SLC38A1: variants seen among roughly 807,000 people sequenced by gnomAD.
The protein encoded by SLC38A1 is solute carrier family 38 member 1.
A neutral mutation model predicts 60.3 loss-of-function variants in SLC38A1; 18 were observed. The ratio of observed to expected loss-of-function variants is 0.30; its 90% CI spans 0.21 to 0.44. The LOEUF is 0.44. SLC38A1 is among the 20% of genes least tolerant of loss of function. SLC38A1 has a pLI of 1.00. For synonymous variants in SLC38A1, 196 were observed against 212.1 expected, an observed-to-expected ratio of 0.92 and a Z score of 0.66; for missense variants, 448 against 587.2, an observed-to-expected ratio of 0.76 and a Z score of 2.45.
intron 1 of SLC38A1, among the ~76,000 whole-genome samples, chr12:46,249,155 C>CAAAAAA (rs59948188): frequency 2.1e-5 from 1 of 46,518 alleles, no homozygotes; most frequent in East Asian, 4.5e-4. Flanking sequence ...GACTCCGCCT[C>CAAAAAA]AAAAAAAAAA....
chr12:46,215,012 T>C (rs1419906616), intron 5 of SLC38A1, among the ~76,000 whole-genome samples: 1 of 152,198 alleles, frequency 6.6e-6, no homozygotes, highest in Non-Finnish European at 1.5e-5. Flanking sequence ...AACTTTAACG[T>C]GTGTGCAAAT....
Position 46,207,634 on chromosome 12 carries a change from C to T in SLC38A1, c.389-13G>A. ...TACACCATGCAGCCTATTTAAAAAT[C>T]AAATTTGAGAACACAAGAAATGACA... is the stretch of plus-strand genomic sequence containing the variant. On this transcript the variant is annotated splice_polypyrimidine_tract_variant and intron_variant, in intron 6 of 16. Transcript: ENST00000398637. 1.9e-6 allele frequency: 3 copies of T among 1,610,556 alleles called. No individual in the cohort carries two copies. Among genetic ancestry groups the T allele is most frequent in the Non-Finnish European group, 2.5e-6 (3 of 1,176,828 alleles).
intron 5 of SLC38A1, among the ~76,000 whole-genome samples, chr12:46,214,975 T>C (rs1940340788): frequency 6.6e-6 from 1 of 152,204 alleles, no homozygotes. Flanking sequence ...TGACTCTCCC[T>C]TGCAAAGTTG....
intron 3 of SLC38A1, among the ~76,000 whole-genome samples, chr12:46,233,270 A>G (rs1338981432): frequency 2.6e-5 from 4 of 152,186 alleles, no homozygotes; most frequent in Middle Eastern, 3.4e-3. Context: ...TGATTCTTCC[A>G]AACTCGCCTT....
rs776295897 is a variant in SLC38A1, at chr12:46,198,693, G to A, written c.1054C>T (p.Leu352Phe). Residue 352 changes from leucine to phenylalanine, a missense_variant, in exon 14 of 17, where the codon CTC becomes TTC. Around this residue, in one of 2 missense-constraint regions of SLC38A1, gnomAD observed 346 missense variants for 497.5 expected, o/e 0.70. Transcript: ENST00000398637. ...LHKYQSKDDI[L>F]ILTVRLAVIV... ...ACAGCCAGCCGCACTGTCAGGATGA[G>A]AATGTCATCTTTACTCTGATATTTG... 1.2e-6 allele frequency: 2 copies of A among 1,613,622 alleles called. No homozygotes were observed. The highest frequency in any genetic ancestry group is 1.7e-6 in the Non-Finnish European group (2 of 1,179,784).
At chr12:46,220,858 C>T (rs10880939) in intron 5 of SLC38A1, among the ~76,000 whole-genome samples, 98,498 of 152,028 alleles carry the variant, frequency 0.65, 33,363 homozygotes, top group Non-Finnish European at 0.75. Context: ...ATAATTCTCC[C>T]GATAGAATGA....
rs918328153 is a variant in SLC38A1 at position 46,186,547 on chromosome 12, A to G, written c.*2423T>C. The G allele has an allele frequency of 6.6e-6, 1 of 152,234 alleles. No homozygotes were observed. The highest frequency in any genetic ancestry group is 1.5e-5 in the Non-Finnish European group (1 of 68,042). 9.4% of individuals were successfully genotyped at this position (152,234 alleles called of 1,614,324 possible). A position where few individuals can be genotyped will look rare whatever the true frequency, so the allele number is the denominator to read the frequency against. ...ATAAGAGCAGTATACTTTACAGCTA[A>G]TCTCACACAAAGGATGTAACTAATC... On this transcript the variant is annotated 3_prime_UTR_variant, in exon 17 of 17. Coordinates refer to ENST00000398637, the MANE Select transcript of SLC38A1 (RefSeq NM_030674.4).
At position 46,251,630 on chromosome 12, in the gene SLC38A1, A is replaced by G. The variant is rs533020378; in HGVS notation, c.-208-8316T>C. On this transcript the variant is annotated intron_variant, in intron 1 of 16. Coordinates refer to ENST00000398637, the MANE Select transcript of SLC38A1 (RefSeq NM_030674.4). ...TCCAGAATCTACAAAGAACTTAAAT[A>G]AATTTTCAAGAAAAAAACAAACAAC... Among the ~76,000 whole-genome samples the G allele has an allele frequency of 2.6e-5, 4 of 152,332 alleles. No homozygotes were observed. In the South Asian group the frequency reaches 8.3e-4, roughly 32 times the overall value.
intron 1 of SLC38A1, among the ~76,000 whole-genome samples, chr12:46,262,843 T>C (rs1360151539): frequency 6.6e-6 from 1 of 152,222 alleles, no homozygotes; most frequent in African/African-American, 2.4e-5. Flanking sequence ...TACCAGATGA[T>C]GGTTACAGTC....
chr12:46,258,536 C>T (rs1410128369), intron 1 of SLC38A1, among the ~76,000 whole-genome samples: 1 of 152,194 alleles, frequency 6.6e-6, no homozygotes, highest in East Asian at 1.9e-4. Context: ...GTTTTCACTG[C>T]ATTTTGACTG....
rs1198210143 is a variant in SLC38A1 at position 46,184,512 on chromosome 12, TA to T, written c.*4457del. ...GACTAATAGATTTTGCTCTAAGGTA[TA>T]AAATCCATTATCTGATCATATTCCT... On this transcript the variant is annotated 3_prime_UTR_variant, in exon 17 of 17. Coordinates refer to ENST00000398637, the MANE Select transcript of SLC38A1 (RefSeq NM_030674.4). 1 of 152,172 alleles carries T rather than the reference TA, an allele frequency of 6.6e-6. No homozygotes were observed. The highest frequency in any genetic ancestry group is 2.4e-5 in the African/African-American group (1 of 41,424). 9.4% of individuals were successfully genotyped at this position (152,172 alleles called of 1,614,324 possible).
rs1294751392 is a variant in SLC38A1 at position 46,188,109 on chromosome 12, T to C, written c.*861A>G. ...GGCTAAATGCATCAGAGGAGTATTT[T>C]CTTAGGCATTTTGGACAATCTTTTT... On this transcript the variant is annotated 3_prime_UTR_variant, in exon 17 of 17. Coordinates refer to ENST00000398637, the MANE Select transcript of SLC38A1 (RefSeq NM_030674.4). The C allele has an allele frequency of 1.3e-5, 2 of 152,180 alleles. No individual in the cohort carries two copies. Among genetic ancestry groups the C allele is most frequent in the African/African-American group, 4.8e-5 (2 of 41,444 alleles). 9.4% of individuals were successfully genotyped at this position (152,180 alleles called of 1,614,324 possible). A position where few individuals can be genotyped will look rare whatever the true frequency, so the allele number is the denominator to read the frequency against.
rs1432808122 is a variant in SLC38A1 at position 46,198,653 on chromosome 12, A to C, written c.1094T>G (p.Ile365Ser). 43 of 1,612,470 alleles carry C rather than the reference A, an allele frequency of 2.7e-5. No individual in the cohort carries two copies. The highest frequency in any genetic ancestry group is 3.6e-5 in the Non-Finnish European group (43 of 1,178,878). ...GAAAAATAACACCGGCACTGTGAGG[A>C]TCACAGCAACAATGACAGCCAGCCG... ...TVRLAVIVAV[I>S]LTVPVLFFTV... Residue 365 changes from isoleucine to serine, a missense_variant, in exon 14 of 17, where the codon ATC (isoleucine) becomes AGC (serine). Transcript: ENST00000398637.
intron 3 of SLC38A1, among the ~76,000 whole-genome samples, chr12:46,238,932 A>G (rs1461175389): frequency 6.6e-6 from 1 of 152,214 alleles, no homozygotes; most frequent in Non-Finnish European, 1.5e-5. Context: ...CATACTACAA[A>G]TGATGCTTAT....
At chr12:46,206,380 G>GTT (rs373067381) in intron 8 of SLC38A1, among the ~76,000 whole-genome samples, 33 of 146,774 alleles carry the variant, frequency 2.2e-4, no homozygotes, top group African/African-American at 7.2e-4. Flanking sequence ...GGGAATATTG[G>GTT]TTTTTTTTTT....
intron 3 of SLC38A1, among the ~76,000 whole-genome samples, chr12:46,229,942 T>C (rs1486015408): frequency 3.3e-5 from 5 of 152,262 alleles, no homozygotes; most frequent in African/African-American, 1.2e-4. Flanking sequence ...GGTGCTCATC[T>C]TGAGATGAAA....
rs537425892 is a variant in SLC38A1, at chr12:46,229,833, G to A, written c.123-194C>T. Among the ~76,000 whole-genome samples the A allele has an allele frequency of 7.9e-5, 12 of 151,934 alleles. No homozygotes were observed. In the South Asian group the frequency reaches 1.0e-3, roughly 13 times the overall value. ...GCCATTATGAGTTGTCTATATTCTC[G>A]TTTTACCAAATAAACTATAAGTGCC... is the stretch of plus-strand genomic sequence containing the variant. On this transcript the variant is annotated intron_variant, in intron 3 of 16. Transcript: ENST00000398637.
At chr12:46,265,677 T>C (rs1044348101) in intron 1 of SLC38A1, among the ~76,000 whole-genome samples, 1 of 152,198 alleles carries the variant, frequency 6.6e-6, no homozygotes, top group African/African-American at 2.4e-5. Flanking sequence ...CAAGGTCCTT[T>C]AACAAAATGT....
chr12:46,197,796 A>C lies in SLC38A1; in HGVS notation c.1286T>G (p.Leu429Arg). ...GVVGVTSANM[L>R]IFILPSSLYL... Reference sequence around the variant, plus strand: ...AAGAGATGAAGGAAGAATGAAAATAAGCATGTTAGCAGATGTAACTCCTGT... The same window carrying C: ...AAGAGATGAAGGAAGAATGAAAATACGCATGTTAGCAGATGTAACTCCTGT... Residue 429 changes from leucine (L) to arginine (R), a missense_variant, in exon 16 of 17, where the codon CTT (leucine) becomes CGT (arginine). Physicochemically the swap from Leu to Arg is moderately radical, Grantham distance 102. Coordinates refer to ENST00000398637, the MANE Select transcript of SLC38A1 (RefSeq NM_030674.4). 2 of 1,601,660 alleles carry C rather than the reference A, an allele frequency of 1.2e-6. No individual in the cohort carries two copies. Among genetic ancestry groups the C allele is most frequent in the Non-Finnish European group, 1.7e-6 (2 of 1,176,302 alleles).
Sources: gnomAD v4.1 joint callset for allele counts (sites outside exome capture counted in the v4.1 genomes callset) on GRCh38, gnomAD v4.1.1 for gene constraint, gnomAD v4.1.1 regional missense constraint, MANE v1.5 for transcripts, NCBI Gene and HGNC (gene_info 2026-07-23, HGNC 2026-07-21) for gene names.